ERC2: variants seen among roughly 807,000 people sequenced by gnomAD.
ERC2 encodes ELKS/RAB6-interacting/CAST family member 2, also known as ERC protein 2.
A neutral mutation model predicts 114.8 loss-of-function variants in ERC2; 42 were observed. The observed-to-expected ratio is 0.37, with a 90% CI of 0.29 to 0.47. The LOEUF (loss-of-function observed/expected upper bound fraction) is 0.47. Among genes scored for constraint, ERC2 ranks in the 20% least tolerant of loss-of-function variants. ERC2 has a pLI of 0.99. For synonymous variants in ERC2, 454 were observed against 425.5 expected (o/e 1.07, Z -0.82); for missense variants, 939 against 1,150.7 (o/e 0.82, Z 2.66).
At chr3:55,862,611 T>C (rs952714200) in intron 14 of ERC2, among the ~76,000 whole-genome samples, 10 of 152,216 alleles carry the variant, frequency 6.6e-5, no homozygotes, top group African/African-American at 2.4e-4. Context: ...AAGTACATTC[T>C]TAGCTGATAT....
chr3:56,195,203 G>C (rs914201459), intron 3 of ERC2, among the ~76,000 whole-genome samples: 1 of 152,126 alleles, frequency 6.6e-6, no homozygotes, highest in African/African-American at 2.4e-5. Context: ...TGATCACCAA[G>C]ATGGCTGGCT....
intron 3 of ERC2, among the ~76,000 whole-genome samples, chr3:56,247,644 T>C (rs978809040): frequency 2.2e-4 from 34 of 152,124 alleles, no homozygotes; most frequent in African/African-American, 8.2e-4. Flanking sequence ...AATAAAGTGG[T>C]GGGTGGGAAG....
At chr3:56,267,773 C>T (rs997755023) in intron 3 of ERC2, among the ~76,000 whole-genome samples, 4 of 151,982 alleles carry the variant, frequency 2.6e-5, no homozygotes, top group African/African-American at 9.7e-5. Flanking sequence ...AGCGGAACTC[C>T]ATCTCAAAAA....
intron 7 of ERC2, among the ~76,000 whole-genome samples, chr3:56,021,610 G>T (rs12496267): frequency 0.13 from 19,592 of 151,842 alleles, 1,473 homozygotes; most frequent in South Asian, 0.23. Flanking sequence ...ACATGTGAAG[G>T]TTTGTTACAT....
chr3:55,810,418 T>C (rs184148964), intron 14 of ERC2, among the ~76,000 whole-genome samples: 1 of 152,114 alleles, frequency 6.6e-6, no homozygotes, highest in East Asian at 1.9e-4. Context: ...CATAGTAACC[T>C]GAGTTTTTTT....
At chr3:55,685,031 TA>T (rs1463399405) in intron 16 of ERC2, among the ~76,000 whole-genome samples, 1 of 152,226 alleles carries the variant, frequency 6.6e-6, no homozygotes, top group Non-Finnish European at 1.5e-5. Flanking sequence ...CCTAGAAAAA[TA>T]GCAGTTTCAT....
intron 6 of ERC2, among the ~76,000 whole-genome samples, chr3:56,115,245 A>C (rs1325764438): frequency 6.6e-6 from 1 of 152,098 alleles, no homozygotes; most frequent in Non-Finnish European, 1.5e-5. Flanking sequence ...AGATAAACCC[A>C]TTGGGCAGTT....
At chr3:55,915,172 A>G (rs549555181) in intron 13 of ERC2, among the ~76,000 whole-genome samples, 47 of 152,294 alleles carry the variant, frequency 3.1e-4, no homozygotes, top group African/African-American at 1.1e-3. Context: ...TACCAAGTAT[A>G]TAAACCCTAT....
intron 13 of ERC2, among the ~76,000 whole-genome samples, chr3:55,924,204 A>T (rs374819440): frequency 1.9e-3 from 288 of 152,278 alleles, no homozygotes; most frequent in African/African-American, 6.7e-3. Context: ...TGTCCTTAGG[A>T]AAGTCCTCAC....
At chr3:55,639,395 G>C (rs2060084780) in intron 17 of ERC2, among the ~76,000 whole-genome samples, 1 of 152,158 alleles carries the variant, frequency 6.6e-6, no homozygotes, top group South Asian at 2.1e-4. Context: ...CGAAGACAAT[G>C]TATTCACAAT....
chr3:56,226,877 T>G (rs1277027997), intron 3 of ERC2, among the ~76,000 whole-genome samples: 1 of 152,198 alleles, frequency 6.6e-6, no homozygotes, highest in African/African-American at 2.4e-5. Context: ...AATGTTTTAA[T>G]TTGCTGTATT....
rs565200325 is a variant in ERC2, at chr3:56,115,893, C to G, written c.1473+23616G>C. Among the ~76,000 whole-genome samples the G allele has an allele frequency of 1.9e-3, 294 of 152,292 alleles. 2 individuals carry two copies. Among genetic ancestry groups the G allele is most frequent in the South Asian group, 0.016 (77 of 4,828 alleles). On this transcript the variant is annotated intron_variant, in intron 6 of 17. Transcript: ENST00000288221. The stretch of plus-strand genomic sequence containing the variant: ...AGCACACACTGAAGGCCACCCTCCC[C>G]CTGCTGTAATCCCTCCAGGGCCAGG...
intron 17 of ERC2, among the ~76,000 whole-genome samples, chr3:55,514,872 G>T (rs1362674056): frequency 6.6e-6 from 1 of 152,182 alleles, no homozygotes; most frequent in Non-Finnish European, 1.5e-5. Context: ...TAATAAATGG[G>T]TGCTATTTTC....
rs372926014 is a variant in ERC2, at chr3:55,625,675, T to C, written c.*39+58119A>G. 1.3e-3 allele frequency among the ~76,000 whole-genome samples: 201 copies of C among 152,046 alleles called. 5 individuals are homozygous for C. The East Asian group carries it at 0.035, about 27-fold the overall frequency. On this transcript the variant is annotated intron_variant, in intron 17 of 17. Coordinates refer to ENST00000288221, the MANE Select transcript of ERC2 (RefSeq NM_015576.3). ...CTGAGGCAGGAGAATGGCGTGAACC[T>C]GGGAGGCGGAGTTTGCAGTGAGCCG...
chr3:55,759,751 T>C (rs982765623), intron 14 of ERC2, among the ~76,000 whole-genome samples: 3 of 152,182 alleles, frequency 2.0e-5, no homozygotes, highest in African/African-American at 7.2e-5. Context: ...TCCTTAAATT[T>C]ATATGTTTCC....
chr3:56,425,726 TG>T (rs1157516055), intron 2 of ERC2, among the ~76,000 whole-genome samples: 1 of 151,746 alleles, frequency 6.6e-6, no homozygotes, highest in East Asian at 1.9e-4. Context: ...CTTGTTGGGG[TG>T]GGGGGAGGTT....
intron 17 of ERC2, among the ~76,000 whole-genome samples, chr3:55,544,630 C>T (rs1167245): frequency 0.5 from 76,725 of 151,990 alleles, 19,509 homozygotes; most frequent in East Asian, 0.67. Flanking sequence ...GCTGGATCCT[C>T]GCTGGATACT....
intron 13 of ERC2, among the ~76,000 whole-genome samples, chr3:55,942,587 G>A (rs978813407): frequency 2.6e-5 from 4 of 151,554 alleles, no homozygotes; most frequent in Admixed American, 1.3e-4. Flanking sequence ...GTGAGCCACC[G>A]CGCCCGGCCC....
At chr3:55,919,183 A>G (rs573333229) in intron 13 of ERC2, among the ~76,000 whole-genome samples, 11 of 152,284 alleles carry the variant, frequency 7.2e-5, no homozygotes, top group African/African-American at 2.4e-4. Context: ...GTTCAAGACC[A>G]GCCTGGGCAA....
Sources: gnomAD v4.1 joint callset for allele counts (sites outside exome capture counted in the v4.1 genomes callset) on GRCh38, gnomAD v4.1.1 for gene constraint, MANE v1.5 for transcripts, NCBI Gene and HGNC (gene_info 2026-07-23, HGNC 2026-07-21) for gene names.